ACSM2A: variants seen among roughly 807,000 people sequenced by gnomAD.
ACSM2A encodes the protein acyl-CoA synthetase medium chain family member 2A.
A neutral mutation model predicts 76.6 loss-of-function variants in ACSM2A; 72 were observed. That is an observed-to-expected ratio of 0.94 (90% confidence interval 0.78 to 1.14). The LOEUF is 1.14. ACSM2A is among the 50% of genes most tolerant of loss of function. The pLI is 0.00. For synonymous variants in ACSM2A, 249 were observed against 255.9 expected, an observed-to-expected ratio of 0.97 and a Z score of 0.26; for missense variants, 684 against 708.5, an observed-to-expected ratio of 0.97 and a Z score of 0.39.
chr16:20,475,898 A>G (rs567611041), intron 8 of ACSM2A, 125 bp downstream of exon 8: 72 of 1,533,020 alleles, frequency 4.7e-5, no homozygotes, highest in South Asian at 3.6e-4. Context: ...TTGAGCCTCT[A>G]TGAAGGGACA....
intron 1 of ACSM2A, among the ~76,000 whole-genome samples, chr16:20,453,051 C>T (rs1159624181): frequency 1.3e-5 from 2 of 151,988 alleles, no homozygotes. Flanking sequence ...GATACTGAGC[C>T]TCAAATCTGC....
chr16:20,461,549 T>C (rs2012623948), intron 2 of ACSM2A, among the ~76,000 whole-genome samples: 1 of 152,070 alleles, frequency 6.6e-6, no homozygotes, highest in African/African-American at 2.4e-5. Flanking sequence ...GGAGAAAATA[T>C]TCAACTCATA....
intron 4 of ACSM2A, among the ~76,000 whole-genome samples, chr16:20,470,531 G>A (rs2013319423): frequency 6.6e-6 from 1 of 152,142 alleles, no homozygotes; most frequent in African/African-American, 2.4e-5. Flanking sequence ...TGGTCTTTAA[G>A]GTAGCTGTCA....
intron 3 of ACSM2A, among the ~76,000 whole-genome samples, chr16:20,466,644 T>G (rs1009481738): frequency 5.3e-5 from 8 of 152,196 alleles, no homozygotes; most frequent in African/African-American, 1.7e-4. Context: ...GATGAAAACA[T>G]GGGTTGAAGC....
At chr16:20,483,514 G>A (rs2014215891) in intron 13 of ACSM2A, among the ~76,000 whole-genome samples, 1 of 129,118 alleles carries the variant, frequency 7.7e-6, no homozygotes, top group Admixed American at 9.5e-5. Context: ...AGGTTACAGT[G>A]AGCCGAGATT....
At chr16:20,470,246 G>T (rs867393866) in intron 4 of ACSM2A, among the ~76,000 whole-genome samples, 2 of 152,126 alleles carry the variant, frequency 1.3e-5, no homozygotes, top group Non-Finnish European at 2.9e-5. Context: ...CAGGGGTGAG[G>T]CCAAGGTCAT....
intron 1 of ACSM2A, among the ~76,000 whole-genome samples, chr16:20,458,415 A>G (rs1447399226): frequency 7.0e-6 from 1 of 142,914 alleles, no homozygotes; most frequent in Non-Finnish European, 1.5e-5. Flanking sequence ...TATACTATAT[A>G]TAGTATATGC....
chr16:20,470,995 T>G, intron 4 of ACSM2A, 78 bp from the exon 5 acceptor site: 2 of 1,587,744 alleles, frequency 1.3e-6, no homozygotes, highest in Admixed American at 1.7e-5. Flanking sequence ...GCACAGTGGG[T>G]GGTGGGAAAA....
intron 9 of ACSM2A, among the ~76,000 whole-genome samples, chr16:20,478,196 C>A (rs1355499265): frequency 3.3e-5 from 5 of 152,272 alleles, no homozygotes; most frequent in South Asian, 2.1e-4. Context: ...CACTGAAGCC[C>A]AGAGTTTAAG....
At chr16:20,475,958 G>C (rs1376733847) in intron 8 of ACSM2A, 185 bp downstream of exon 8, 33 of 1,374,732 alleles carry the variant, frequency 2.4e-5, no homozygotes, top group Non-Finnish European at 3.1e-5. Flanking sequence ...CAAAGTTCCT[G>C]TTTTCTGGGA....
chr16:20,483,047 C>CT lies in ACSM2A; in HGVS notation c.1510-5dup. The CT allele has an allele frequency of 6.2e-7, 1 of 1,613,206 alleles. No homozygotes were observed. Among genetic ancestry groups the CT allele is most frequent in the South Asian group, 1.1e-5 (1 of 91,060 alleles). On this transcript the variant is annotated splice_polypyrimidine_tract_variant and intron_variant, in intron 12 of 13. Transcript: ENST00000573854. ...CTAATCCCTTCTCTCTGGCCTTCAT[C>CT]TTTTTTGCAGGTGGTGAAGGCATTT... is the stretch of plus-strand genomic sequence containing the variant.
chr16:20,472,972 G>C (rs1057052253), intron 6 of ACSM2A, among the ~76,000 whole-genome samples: 2 of 152,090 alleles, frequency 1.3e-5, no homozygotes, highest in African/African-American at 2.4e-5. Context: ...AGAACTTGAT[G>C]GTACAGCCAT....
intron 1 of ACSM2A, among the ~76,000 whole-genome samples, chr16:20,454,422 A>T (rs371421767): frequency 6.6e-6 from 1 of 152,144 alleles, no homozygotes; most frequent in African/African-American, 2.4e-5. Flanking sequence ...CTCCCCACCC[A>T]GTAGTGGCAG....
intron 10 of ACSM2A, among the ~76,000 whole-genome samples, chr16:20,479,614 A>G (rs1054426523): frequency 6.6e-6 from 1 of 152,200 alleles, no homozygotes; most frequent in Admixed American, 6.5e-5. Context: ...GATGAGGAAA[A>G]CTGAGCCTCA....
Position 20,486,876 on chromosome 16 carries a change from A to G in ACSM2A, c.*198A>G. The G allele has an allele frequency of 6.7e-6, 4 of 600,500 alleles. 1 individual carries two copies. The South Asian group carries it at 1.1e-4, about 17-fold the overall frequency. The allele number at this position is 600,500 out of a possible 1,614,324, so 37.2% of individuals were successfully genotyped here. A position where few individuals can be genotyped will look rare whatever the true frequency, so the allele number is the denominator to read the frequency against. On this transcript the variant is annotated 3_prime_UTR_variant, in exon 14 of 14. Coordinates refer to ENST00000573854, the MANE Select transcript of ACSM2A (RefSeq NM_001308172.2). ...AAGGGAAGGAATGAGAGAGAGTGAA[A>G]AGGAGAGGGTAACAGAAAAAAAGGA...
Position 20,476,243 on chromosome 16 carries a change from A to G in ACSM2A, c.1098+470A>G, listed in dbSNP as rs150075140. The G allele has an allele frequency of 1.6e-3, 1,584 of 995,628 alleles. 22 individuals are homozygous for G. In the African/African-American group the frequency reaches 0.026, roughly 16 times the overall value. The allele number at this position is 995,628 out of a possible 1,614,324, so 61.7% of individuals were successfully genotyped here. ...CCATGACTTTACTGCACCTCCTGAC[A>G]TATCTTCTTGGAACTCTTGAGGTCT... On this transcript the variant is annotated intron_variant, in intron 8 of 13. Transcript: ENST00000573854.
At position 20,455,746 on chromosome 16, in the gene ACSM2A, A is replaced by G. The variant is rs539027688; in HGVS notation, c.-9+4065A>G. Among the ~76,000 whole-genome samples the G allele has an allele frequency of 2.7e-5, 4 of 148,038 alleles. No homozygotes were observed. In the South Asian group the frequency reaches 8.4e-4, roughly 31 times the overall value. ...AAAACAAAAATACAATAAAAAAAAA[A>G]CCCAAGCTACACAGGCAACAAATAG... On this transcript the variant is annotated intron_variant, in intron 1 of 13. Coordinates refer to ENST00000573854, the MANE Select transcript of ACSM2A (RefSeq NM_001308172.2).
At chr16:20,468,727 C>A (rs1162266562) in intron 3 of ACSM2A, among the ~76,000 whole-genome samples, 2 of 152,088 alleles carry the variant, frequency 1.3e-5, no homozygotes, top group African/African-American at 4.8e-5. Context: ...GAAACAAGAA[C>A]AAGAATTTAG....
chr16:20,463,982 A>T (rs899489137), intron 2 of ACSM2A, among the ~76,000 whole-genome samples: 9 of 152,182 alleles, frequency 5.9e-5, no homozygotes, highest in Non-Finnish European at 1.3e-4. Context: ...CATTACTCTT[A>T]CGTTAAAACT....
Sources: allele counts gnomAD v4.1 joint callset (sites outside exome capture counted in the v4.1 genomes callset), GRCh38; gene constraint gnomAD v4.1.1; transcripts MANE v1.5; gene names NCBI Gene and HGNC (gene_info 2026-07-23, HGNC 2026-07-21).